MAPK8: variants seen among roughly 807,000 people sequenced by gnomAD.
The protein encoded by MAPK8 is JUN N-terminal kinase.
In MAPK8, 13 loss-of-function variants were observed where a neutral mutation model predicts 52.9. That is an observed-to-expected ratio of 0.25 (90% CI 0.16 to 0.39). MAPK8 has a LOEUF of 0.39. Among genes scored for constraint, MAPK8 ranks in the 10% least tolerant of loss-of-function variants. The probability of loss-of-function intolerance (pLI) is 1.00; values close to 1 mark genes in which losing one functional copy is unlikely to be tolerated. For missense variants in MAPK8, 300 were observed against 519.2 expected (o/e 0.58, Z 4.10); for synonymous variants, 191 against 169.8 (o/e 1.12, Z -0.97).
intron 1 of MAPK8, among the ~76,000 whole-genome samples, chr10:48,310,391 G>A (rs918871002): frequency 1.3e-5 from 2 of 152,086 alleles, no homozygotes; most frequent in East Asian, 1.9e-4. Context: ...ATTTTCAGAA[G>A]CCAAAAAAAT....
chr10:48,340,465 A>G (rs992210274), intron 1 of MAPK8, among the ~76,000 whole-genome samples: 4 of 152,218 alleles, frequency 2.6e-5, no homozygotes, highest in Non-Finnish European at 5.9e-5. Context: ...GATGAGTTCA[A>G]CAGAAGCTCA....
At chr10:48,330,695 G>C (rs1844048941) in intron 1 of MAPK8, among the ~76,000 whole-genome samples, 1 of 152,114 alleles carries the variant, frequency 6.6e-6, no homozygotes, top group African/African-American at 2.4e-5. Flanking sequence ...TAGCACGCAG[G>C]TCTCTTCCCC....
At chr10:48,387,719 G>A (rs2041398161) in intron 1 of MAPK8, among the ~76,000 whole-genome samples, 1 of 152,126 alleles carries the variant, frequency 6.6e-6, no homozygotes, top group African/African-American at 2.4e-5. Flanking sequence ...CTCTTAGTTT[G>A]TACATGTCTC....
chr10:48,362,599 T>G (rs1231035568), intron 1 of MAPK8, among the ~76,000 whole-genome samples: 1 of 151,892 alleles, frequency 6.6e-6, no homozygotes, highest in Non-Finnish European at 1.5e-5. Flanking sequence ...AATCATTAAA[T>G]TTTAGTTAAG....
chr10:48,407,068 A>C (rs974497168), intron 3 of MAPK8, among the ~76,000 whole-genome samples: 2 of 152,152 alleles, frequency 1.3e-5, no homozygotes, highest in African/African-American at 4.8e-5. Context: ...GTTTCTCCCT[A>C]TTAAATTTCA....
At chr10:48,374,865 G>A (rs901288854) in intron 1 of MAPK8, among the ~76,000 whole-genome samples, 12 of 152,016 alleles carry the variant, frequency 7.9e-5, no homozygotes, top group African/African-American at 2.9e-4. Context: ...AGAAAAAGAG[G>A]GACTCCTCTG....
intron 1 of MAPK8, among the ~76,000 whole-genome samples, chr10:48,324,335 G>T (rs1344798922): frequency 6.6e-6 from 1 of 152,102 alleles, no homozygotes; most frequent in Non-Finnish European, 1.5e-5. Flanking sequence ...TGATGTTTCT[G>T]TTAGGGGACA....
intron 2 of MAPK8, among the ~76,000 whole-genome samples, chr10:48,403,452 C>A (rs1212709340): frequency 2.7e-5 from 4 of 146,522 alleles, no homozygotes; most frequent in African/African-American, 5.0e-5. Flanking sequence ...AGTGAGACTC[C>A]GTCTAAAAAA....
chr10:48,340,497 A>T (rs183202318), intron 1 of MAPK8, among the ~76,000 whole-genome samples: 1 of 152,250 alleles, frequency 6.6e-6, no homozygotes, highest in East Asian at 1.9e-4. Context: ...TATGCAATGT[A>T]CCCATGTAAC....
chr10:48,387,005 G>A (rs552271791), intron 1 of MAPK8, among the ~76,000 whole-genome samples: 144 of 152,310 alleles, frequency 9.5e-4, no homozygotes, highest in African/African-American at 3.4e-3. Context: ...TTAAGGGACA[G>A]TTTCTTGTTG....
intron 2 of MAPK8, 83 bp downstream of exon 2, chr10:48,401,865 T>TAA: frequency 1.8e-6 from 2 of 1,135,330 alleles, no homozygotes. Flanking sequence ...CCTTGGCAAA[T>TAA]ATTTAACTTG....
chr10:48,328,391 C>G (rs1843742616), intron 1 of MAPK8, among the ~76,000 whole-genome samples: 1 of 149,232 alleles, frequency 6.7e-6, no homozygotes, highest in Non-Finnish European at 1.5e-5. Flanking sequence ...AGGTGTTACT[C>G]TTTTTGATGA....
At chr10:48,361,256 C>T (rs1032923395) in intron 1 of MAPK8, among the ~76,000 whole-genome samples, 2 of 152,118 alleles carry the variant, frequency 1.3e-5, no homozygotes, top group African/African-American at 4.8e-5. Flanking sequence ...ATTAACATGT[C>T]CAAAATCAGT....
At chr10:48,330,372 A>G (rs761111645) in intron 1 of MAPK8, among the ~76,000 whole-genome samples, 28 of 152,192 alleles carry the variant, frequency 1.8e-4, no homozygotes, top group Non-Finnish European at 3.2e-4. Context: ...ATATAATACT[A>G]GAAGTGTTAT....
chr10:48,319,675 A>G lies in MAPK8; in HGVS notation c.-50+12854A>G, dbSNP rs149101448. Among the ~76,000 whole-genome samples, 421 of 152,006 alleles carry G rather than the reference A, an allele frequency of 2.8e-3. 1 individual carries two copies. Among genetic ancestry groups the G allele is most frequent in the African/African-American group, 9.3e-3 (387 of 41,466 alleles). ...TGGCTAATTTTTTTGTATTTTTAGT[A>G]GAAACAGGGTTTCACCATGTTGGCC... On this transcript the variant is annotated intron_variant, in intron 1 of 11. Transcript: ENST00000374189.
At position 48,379,303 on chromosome 10, in the gene MAPK8, A is replaced by G. The variant is rs561677088; in HGVS notation, c.-49-22309A>G. On this transcript the variant is annotated intron_variant, in intron 1 of 11. Coordinates refer to ENST00000374189, the MANE Select transcript of MAPK8 (RefSeq NM_001323329.2). Reference sequence around the variant, plus strand: ...ACAGTATAGACAACTTATTAGGTCAAGTCTTTCCAAGGGGCTTTTTATTGG... The same window carrying G: ...ACAGTATAGACAACTTATTAGGTCAGGTCTTTCCAAGGGGCTTTTTATTGG... Among the ~76,000 whole-genome samples, 18 of 152,328 alleles carry G rather than the reference A, an allele frequency of 1.2e-4. No individual in the cohort carries two copies. The East Asian group carries it at 2.7e-3, about 23-fold the overall frequency.
intron 8 of MAPK8, 39 bp downstream of exon 8, chr10:48,426,109 G>T: frequency 6.6e-7 from 1 of 1,516,572 alleles, no homozygotes; most frequent in Non-Finnish European, 9.0e-7. Flanking sequence ...CCCATTTGGG[G>T]TGTGTAGTGT....
At chr10:48,410,755 A>T (rs1273489126) in intron 5 of MAPK8, among the ~76,000 whole-genome samples, 1 of 152,242 alleles carries the variant, frequency 6.6e-6, no homozygotes, top group African/African-American at 2.4e-5. Flanking sequence ...CTAGCAGTGT[A>T]TGCGGGTTCC....
At chr10:48,374,820 C>A (rs1283501735) in intron 1 of MAPK8, among the ~76,000 whole-genome samples, 1 of 152,182 alleles carries the variant, frequency 6.6e-6, no homozygotes, top group Non-Finnish European at 1.5e-5. Context: ...CAAAGAGGAG[C>A]TGGTACCATT....
Sources: allele counts gnomAD v4.1 joint callset (sites outside exome capture counted in the v4.1 genomes callset), GRCh38; gene constraint gnomAD v4.1.1; transcripts MANE v1.5; gene names NCBI Gene and HGNC (gene_info 2026-07-23, HGNC 2026-07-21).